Variants in SERAC1 observed in about 807,000 individuals in gnomAD.
SERAC1 encodes the protein serine active site containing 1, also known as protein SERAC1.
SERAC1 carries 36 observed loss-of-function variants against 85.7 expected under a neutral mutation model. The observed-to-expected ratio is 0.42, with a 90% CI of 0.32 to 0.55. The LOEUF is 0.55. SERAC1 is among the 20% of genes least tolerant of loss of function. SERAC1 has a pLI of 0.11. For missense variants in SERAC1, 629 were observed against 796.2 expected (o/e 0.79, Z 2.53); for synonymous variants, 242 against 265.3 (o/e 0.91, Z 0.85).
intron 2 of SERAC1, among the ~76,000 whole-genome samples, chr6:158,156,828 T>A (rs1438569131): frequency 7.4e-6 from 1 of 134,304 alleles, no homozygotes; most frequent in East Asian, 2.0e-4. Context: ...AATATATTAA[T>A]ATATTATATA....
chr6:158,152,631 G>A (rs924426264), intron 3 of SERAC1: 6 of 152,336 alleles, frequency 3.9e-5, no homozygotes, highest in Non-Finnish European at 8.8e-5. Flanking sequence ...TCCAGGTCCT[G>A]TAAGCTCCAC....
intron 16 of SERAC1, chr6:158,112,047 G>C (rs1255241059): frequency 6.6e-6 from 1 of 152,420 alleles, no homozygotes; most frequent in Non-Finnish European, 1.5e-5. Flanking sequence ...TGGTTATGAA[G>C]GAAGAAAAGC....
intron 10 of SERAC1, among the ~76,000 whole-genome samples, chr6:158,125,922 G>T (rs1784529377): frequency 2.6e-5 from 4 of 151,680 alleles, no homozygotes; most frequent in South Asian, 2.1e-4. Flanking sequence ...AGAAACAACA[G>T]AATTTAAAAA....
chr6:158,140,465 G>GCT (rs1784891171), intron 8 of SERAC1, among the ~76,000 whole-genome samples: 1 of 152,126 alleles, frequency 6.6e-6, no homozygotes, highest in Non-Finnish European at 1.5e-5. Context: ...GGGCATGAAG[G>GCT]CTCAGCGCCC....
At chr6:158,126,025 T>A (rs1784532035) in intron 10 of SERAC1, among the ~76,000 whole-genome samples, 1 of 152,128 alleles carries the variant, frequency 6.6e-6, no homozygotes, top group South Asian at 2.1e-4. Context: ...AACCAAACGA[T>A]ATCAATAATT....
chr6:158,138,651 C>T (rs1404833648), intron 8 of SERAC1, among the ~76,000 whole-genome samples: 3 of 151,984 alleles, frequency 2.0e-5, no homozygotes, highest in African/African-American at 4.8e-5. Flanking sequence ...CAGAGAAGTA[C>T]ACAAGACCCT....
chr6:158,113,529 T>A lies in SERAC1; in HGVS notation c.1748A>T (p.Gln583Leu). ...TAGTGTTTCCACAAAATTCAGCACC[T>A]GGAAGTTTTTGTCTTTAGCAAACTC... Reference protein sequence around the residue: ...FLEFAKDKNFQVLNFVETLPT... With the variant: ...FLEFAKDKNFLVLNFVETLPT... The change falls in exon 16 of 17, where the codon CAG becomes CTG. Residue 583 changes from glutamine to leucine, a missense_variant. Coordinates refer to ENST00000647468, the MANE Select transcript of SERAC1 (RefSeq NM_032861.4). 1 of 1,613,926 alleles carries A rather than the reference T, an allele frequency of 6.2e-7. No individual in the cohort carries two copies. Among genetic ancestry groups the A allele is most frequent in the Non-Finnish European group, 8.5e-7 (1 of 1,179,798 alleles).
chr6:158,145,329 T>C (rs1785028781), intron 6 of SERAC1: 1 of 152,206 alleles, frequency 6.6e-6, no homozygotes, highest in Non-Finnish European at 1.5e-5. Flanking sequence ...GCACTTCCTC[T>C]GATTTCTCTG....
chr6:158,146,942 G>A, intron 5 of SERAC1, 29 bp from the exon 6 acceptor site: 1 of 1,606,216 alleles, frequency 6.2e-7, no homozygotes, highest in Non-Finnish European at 8.5e-7. Context: ...CCAAGACAAT[G>A]TGAAAAGTTA....
chr6:158,152,870 T>C (rs1785239604), intron 3 of SERAC1: 2 of 152,254 alleles, frequency 1.3e-5, no homozygotes, highest in African/African-American at 4.8e-5. Flanking sequence ...AAGTGCACTC[T>C]GTGATGATTG....
chr6:158,148,317 AAC>A, intron 5 of SERAC1, among the ~76,000 whole-genome samples: 1 of 152,322 alleles, frequency 6.6e-6, no homozygotes, highest in East Asian at 1.9e-4. Context: ...AAAATTATAA[AAC>A]ACTTATCAAG....
chr6:158,144,156 T>C, intron 7 of SERAC1, 143 bp downstream of exon 7: 1 of 636,684 alleles, frequency 1.6e-6, no homozygotes, highest in Admixed American at 3.2e-5. Flanking sequence ...ATAAAAACTA[T>C]GATTTCAGTT....
Position 158,117,213 on chromosome 6 carries a change from C to A in SERAC1, c.1403+514G>T. Reference sequence around the variant, plus strand: ...CTGTCAATCTGTAGACAAAGCTTCCCGGAAAAGTTAACTGACTGGTCTAAG... The same window carrying A: ...CTGTCAATCTGTAGACAAAGCTTCCAGGAAAAGTTAACTGACTGGTCTAAG... On this transcript the variant is annotated intron_variant, in intron 13 of 16. Transcript: ENST00000647468. The surrounding 1 kb of genome is among the most constrained non-coding windows in gnomAD (Gnocchi z 4.3). 3.5e-6 allele frequency: 1 copy of A among 285,792 alleles called. No individual in the cohort carries two copies. The highest frequency in any genetic ancestry group is 4.7e-5 in the Admixed American group (1 of 21,366). The allele number at this position is 285,792 out of a possible 1,614,324, so 17.7% of individuals were successfully genotyped here.
At chr6:158,167,049 GA>G (rs143013988) in intron 1 of SERAC1, among the ~76,000 whole-genome samples, 3 of 151,638 alleles carry the variant, frequency 2.0e-5, no homozygotes, top group East Asian at 1.9e-4. Flanking sequence ...TATGCAAGAT[GA>G]AAAAAAGCAA....
chr6:158,143,586 A>T (rs1251546131), intron 7 of SERAC1, among the ~76,000 whole-genome samples: 2 of 152,024 alleles, frequency 1.3e-5, no homozygotes, highest in Admixed American at 1.3e-4. Flanking sequence ...CATTCTCAAC[A>T]TCTTGACTCA....
chr6:158,142,580 G>A (rs1423146357), intron 8 of SERAC1, among the ~76,000 whole-genome samples: 3 of 151,730 alleles, frequency 2.0e-5, no homozygotes, highest in Non-Finnish European at 2.9e-5. Context: ...GGGTTCAAGC[G>A]ATTCTCCTGC....
chr6:158,141,685 G>C (rs1255618203), intron 8 of SERAC1, among the ~76,000 whole-genome samples: 1 of 152,150 alleles, frequency 6.6e-6, no homozygotes. Context: ...ATCAAAAAGA[G>C]CCAGGGATAC....
chr6:158,133,449 AAT>A (rs1469561248), intron 8 of SERAC1, among the ~76,000 whole-genome samples: 8 of 140,842 alleles, frequency 5.7e-5, no homozygotes, highest in Non-Finnish European at 1.2e-4. Context: ...GCAGTGGTGC[AAT>A]CTCAGCTCGC....
chr6:158,125,480 C>A (rs1784518885), intron 10 of SERAC1, among the ~76,000 whole-genome samples: 1 of 152,092 alleles, frequency 6.6e-6, no homozygotes, highest in Non-Finnish European at 1.5e-5. Flanking sequence ...AACTGAGACA[C>A]AATAAATCTG....
Sources: allele counts gnomAD v4.1 joint callset (sites outside exome capture counted in the v4.1 genomes callset), GRCh38; gene constraint gnomAD v4.1.1; non-coding constraint Gnocchi (gnomAD v3.1); transcripts MANE v1.5; gene names NCBI Gene and HGNC (gene_info 2026-07-23, HGNC 2026-07-21).